The following TMEM11 variants were observed in gnomAD, a reference collection of about 807,000 sequenced individuals.
TMEM11 encodes transmembrane protein 11, also known as transmembrane protein 11, mitochondrial.
Under a neutral mutation model 17.0 loss-of-function variants are expected in TMEM11, and 1 was observed. The ratio of observed to expected loss-of-function variants is 0.06; its 90% CI spans 0.02 to 0.28. TMEM11 has a LOEUF of 0.28. Among genes scored for constraint, TMEM11 ranks in the 10% least tolerant of loss-of-function variants. The pLI is 1.00. For missense variants in TMEM11, 172 were observed against 252.9 expected (o/e 0.68, Z 2.17); for synonymous variants, 122 against 118.1 (o/e 1.03, Z -0.21).
intron 1 of TMEM11, among the ~76,000 whole-genome samples, chr17:21,212,105 C>G (rs959177300): frequency 6.6e-6 from 1 of 152,034 alleles, no homozygotes; most frequent in African/African-American, 2.4e-5. Flanking sequence ...AAGCTGGGCT[C>G]GGGGAAATGA....
intron 1 of TMEM11, among the ~76,000 whole-genome samples, chr17:21,212,938 G>A (rs1975018386): frequency 1.3e-5 from 2 of 152,236 alleles, no homozygotes; most frequent in Non-Finnish European, 2.9e-5. Flanking sequence ...AAGAGGAAAT[G>A]CAGAATGGGC....
intron 1 of TMEM11, among the ~76,000 whole-genome samples, chr17:21,200,298 C>T (rs1597768922): frequency 6.6e-6 from 1 of 152,368 alleles, no homozygotes; most frequent in Middle Eastern, 3.4e-3. Context: ...CATGCCTTGT[C>T]ATCTTTCCTT....
chr17:21,208,920 G>T (rs1463525584), intron 1 of TMEM11, among the ~76,000 whole-genome samples: 1 of 152,218 alleles, frequency 6.6e-6, no homozygotes, highest in African/African-American at 2.4e-5. Flanking sequence ...CCGTCAGGCT[G>T]CTTTTCACTT....
intron 1 of TMEM11, among the ~76,000 whole-genome samples, chr17:21,200,409 C>T (rs529024194): frequency 3.9e-5 from 6 of 152,334 alleles, no homozygotes; most frequent in Non-Finnish European, 8.8e-5. Flanking sequence ...TTTATCTGGG[C>T]CTTGACGGGG....
At chr17:21,210,044 G>A (rs904863780) in intron 1 of TMEM11, among the ~76,000 whole-genome samples, 1 of 152,102 alleles carries the variant, frequency 6.6e-6, no homozygotes, top group Non-Finnish European at 1.5e-5. Context: ...TCCACCCCCC[G>A]CACCTCGCTC....
intron 1 of TMEM11, chr17:21,213,386 A>G (rs1975023661): frequency 6.6e-6 from 1 of 152,256 alleles, no homozygotes; most frequent in South Asian, 2.1e-4. Context: ...CTCATCTTCT[A>G]GAAATCAGTT....
At chr17:21,202,060 G>A (rs974626375) in intron 1 of TMEM11, among the ~76,000 whole-genome samples, 3 of 152,224 alleles carry the variant, frequency 2.0e-5, no homozygotes, top group South Asian at 2.1e-4. Flanking sequence ...TGGCGGTGGC[G>A]CAATGGGCTG....
At chr17:21,200,879 G>C (rs1416858208) in intron 1 of TMEM11, among the ~76,000 whole-genome samples, 1 of 152,218 alleles carries the variant, frequency 6.6e-6, no homozygotes, top group Non-Finnish European at 1.5e-5. Context: ...TAATATGGGA[G>C]TGACGAGTGA....
At chr17:21,201,177 T>C (rs892434249) in intron 1 of TMEM11, among the ~76,000 whole-genome samples, 1 of 152,206 alleles carries the variant, frequency 6.6e-6, no homozygotes, top group African/African-American at 2.4e-5. Context: ...TGAAAGTCAT[T>C]GGTAATGGGC....
At chr17:21,206,112 T>C (rs1407632643) in intron 1 of TMEM11, among the ~76,000 whole-genome samples, 1 of 152,076 alleles carries the variant, frequency 6.6e-6, no homozygotes, top group African/African-American at 2.4e-5. Flanking sequence ...ATTTTTTAGT[T>C]TTTTTGAGGA....
At chr17:21,199,328 GAA>G (rs58031189) in intron 1 of TMEM11, among the ~76,000 whole-genome samples, 8 of 78,298 alleles carry the variant, frequency 1.0e-4, no homozygotes, top group South Asian at 5.2e-4. Context: ...CTCAGTCTCA[GAA>G]AAAAAAAAAA....
At chr17:21,208,976 T>G (rs1974974012) in intron 1 of TMEM11, among the ~76,000 whole-genome samples, 1 of 152,360 alleles carries the variant, frequency 6.6e-6, no homozygotes, top group Non-Finnish European at 1.5e-5. Context: ...GGTGCTGGGC[T>G]GGACCTCCAC....
intron 1 of TMEM11, among the ~76,000 whole-genome samples, chr17:21,199,089 G>A (rs1216234406): frequency 6.6e-6 from 1 of 152,002 alleles, no homozygotes; most frequent in African/African-American, 2.4e-5. Flanking sequence ...TGGGAGGCCG[G>A]GGGGGCGGAT....
At chr17:21,209,495 A>G (rs903746287) in intron 1 of TMEM11, among the ~76,000 whole-genome samples, 1 of 152,218 alleles carries the variant, frequency 6.6e-6, no homozygotes, top group Non-Finnish European at 1.5e-5. Context: ...GGCCGGGCAC[A>G]GTGGCTCACG....
chr17:21,211,751 C>T (rs550092131), intron 1 of TMEM11, among the ~76,000 whole-genome samples: 3 of 152,346 alleles, frequency 2.0e-5, no homozygotes, highest in Admixed American at 2.0e-4. Flanking sequence ...TTCCCCAAAC[C>T]AGATAATGTT....
At chr17:21,204,810 G>GA (rs1329106509) in intron 1 of TMEM11, among the ~76,000 whole-genome samples, 2 of 152,108 alleles carry the variant, frequency 1.3e-5, no homozygotes, top group East Asian at 3.9e-4. Context: ...TCAGTGTCAT[G>GA]ATCCTAAACA....
At chr17:21,212,285 C>T (rs1042274483) in intron 1 of TMEM11, among the ~76,000 whole-genome samples, 2 of 152,134 alleles carry the variant, frequency 1.3e-5, no homozygotes, top group African/African-American at 4.8e-5. Flanking sequence ...GCCTTCAGTT[C>T]CAGGCCAAAG....
At chr17:21,200,985 T>C (rs1309470398) in intron 1 of TMEM11, among the ~76,000 whole-genome samples, 1 of 152,148 alleles carries the variant, frequency 6.6e-6, no homozygotes, top group African/African-American at 2.4e-5. Context: ...AAGTGAAGGA[T>C]GGTGGAAATC....
In TMEM11 at chr17:21,198,572, C is replaced by A. The variant is rs200018147; in HGVS notation, c.331G>T (p.Ala111Ser). ...CAGCAGGCCAGGCTCAGCACACCAGCGGGCAGGGAAATGTAGTGGGAATAA... is the reference window on the plus strand; with the variant it reads ...CAGCAGGCCAGGCTCAGCACACCAGAGGGCAGGGAAATGTAGTGGGAATAA... ...LDYSHYISLP[A>S]GVLSLACCTL... The change falls in exon 2 of 2, where the codon GCT becomes TCT. Residue 111 changes from alanine to serine, a missense_variant. Physicochemically the swap from Ala to Ser is moderately conservative, Grantham distance 99. Coordinates refer to ENST00000317635, the MANE Select transcript of TMEM11 (RefSeq NM_003876.3). This position sits in a 1 kb window ranked among gnomAD's most constrained non-coding sequence, Gnocchi z 6.5. 2 of 1,614,084 alleles carry A rather than the reference C, an allele frequency of 1.2e-6. No homozygotes were observed. Among genetic ancestry groups the A allele is most frequent in the African/African-American group, 2.7e-5 (2 of 75,060 alleles).
Sources: allele counts gnomAD v4.1 joint callset (sites outside exome capture counted in the v4.1 genomes callset), GRCh38; gene constraint gnomAD v4.1.1; non-coding constraint Gnocchi (gnomAD v3.1); transcripts MANE v1.5; gene names NCBI Gene and HGNC (gene_info 2026-07-23, HGNC 2026-07-21).